Variants in SLC26A8 observed in about 807,000 individuals in gnomAD.
SLC26A8 encodes the protein testis anion transporter 1.
Under a neutral mutation model 105.0 loss-of-function variants are expected in SLC26A8, and 70 were observed. The observed-to-expected ratio is 0.67, with a 90% confidence interval of 0.55 to 0.81. The LOEUF is 0.81. Ranked by LOEUF, SLC26A8 falls within the 40% of genes least tolerant of loss-of-function variation. The pLI is 0.00. For synonymous variants in SLC26A8, 415 were observed against 438.3 expected, an observed-to-expected ratio of 0.95 and a Z score of 0.66; for missense variants, 998 against 1,181.8, an observed-to-expected ratio of 0.84 and a Z score of 2.28.
In SLC26A8 at chr6:35,981,192, TA is replaced by T. The variant is rs972006777; in HGVS notation, c.1025+928del. ...CTAATGTGATTCATCTGATTAAGGT[TA>T]AAAAAAATAATTTCCTAACAGAAGC... On this transcript the variant is annotated intron_variant, in intron 8 of 19. Transcript: ENST00000490799. This position sits in a 1 kb window ranked among gnomAD's most constrained non-coding sequence, Gnocchi z 4.0. Among the ~76,000 whole-genome samples, 1 of 151,876 alleles carries T rather than the reference TA, an allele frequency of 6.6e-6. No individual in the cohort carries two copies. The highest frequency in any genetic ancestry group is 1.5e-5 in the Non-Finnish European group (1 of 67,978).
intron 3 of SLC26A8, among the ~76,000 whole-genome samples, chr6:36,005,519 C>T (rs955070564): frequency 1.2e-4 from 18 of 152,084 alleles, no homozygotes; most frequent in Non-Finnish European, 1.8e-4. Context: ...TCCTCAATTT[C>T]GGTTTGTCTT....
chr6:36,014,086 T>C (rs1219237563), intron 2 of SLC26A8, among the ~76,000 whole-genome samples: 1 of 152,220 alleles, frequency 6.6e-6, no homozygotes, highest in East Asian at 1.9e-4. Context: ...CACATTGCTG[T>C]TCTTAGGAGA....
intron 2 of SLC26A8, among the ~76,000 whole-genome samples, chr6:36,014,510 A>G (rs551276836): frequency 2.4e-4 from 36 of 152,196 alleles, no homozygotes; most frequent in African/African-American, 8.2e-4. Flanking sequence ...AAAGAGGAAG[A>G]AAATGAGGAA....
At position 36,005,889 on chromosome 6, in the gene SLC26A8, A is replaced by T. The variant is rs73729657; in HGVS notation, c.329-5781T>A. ...TATTTTCTTCTTTAATTCTACATTT[A>T]TAAATTGGAATTCTACTGTAAGGAA... On this transcript the variant is annotated intron_variant, in intron 3 of 19. Coordinates refer to ENST00000490799, the MANE Select transcript of SLC26A8 (RefSeq NM_052961.4). Among the ~76,000 whole-genome samples, 1,405 of 152,280 alleles carry T rather than the reference A, an allele frequency of 9.2e-3. 16 individuals are homozygous for T. Among genetic ancestry groups the T allele is most frequent in the African/African-American group, 0.032 (1,329 of 41,566 alleles).
chr6:35,998,555 C>CA (rs56714506), intron 4 of SLC26A8, among the ~76,000 whole-genome samples: 1,765 of 118,906 alleles, frequency 0.015, 18 homozygotes, highest in Middle Eastern at 0.065. Context: ...AACTCCATCT[C>CA]AAAAAAAAAA....
chr6:35,948,506 G>A (rs1581620237), intron 19 of SLC26A8, among the ~76,000 whole-genome samples: 1 of 152,140 alleles, frequency 6.6e-6, no homozygotes, highest in Admixed American at 6.5e-5. Flanking sequence ...GGACAATCAC[G>A]TGAACCTGGG....
chr6:35,998,042 G>A (rs1370885925), intron 4 of SLC26A8, 123 bp from the exon 5 acceptor site: 4 of 893,354 alleles, frequency 4.5e-6, no homozygotes, highest in Non-Finnish European at 5.1e-6. Flanking sequence ...TCATTTGAAA[G>A]TGGCCATTGA....
At chr6:36,013,574 G>A (rs1243679672) in intron 2 of SLC26A8, among the ~76,000 whole-genome samples, 2 of 152,144 alleles carry the variant, frequency 1.3e-5, no homozygotes, top group Non-Finnish European at 2.9e-5. Flanking sequence ...GAATTTTCTG[G>A]TCCAAAATGT....
intron 16 of SLC26A8, among the ~76,000 whole-genome samples, chr6:35,956,741 G>A (rs919702266): frequency 7.9e-5 from 12 of 152,040 alleles, no homozygotes; most frequent in African/African-American, 2.9e-4. Flanking sequence ...CCAACATGGC[G>A]AAATTCCATC....
rs571434981 is a variant in SLC26A8 at position 36,006,149 on chromosome 6, T to C, written c.329-6041A>G. On this transcript the variant is annotated intron_variant, in intron 3 of 19. Coordinates refer to ENST00000490799, the MANE Select transcript of SLC26A8 (RefSeq NM_052961.4). ...AATCTTTTTTTTTTCCAATGGAGTC[T>C]CGCTCTGTTACCCAGGCTGGAATGC... 7.2e-5 allele frequency among the ~76,000 whole-genome samples: 11 copies of C among 152,248 alleles called. No individual in the cohort carries two copies. The South Asian group carries it at 2.1e-3, about 29-fold the overall frequency.
At chr6:35,968,605 GTGTGTATATATATATATATATA>G (rs1326679842) in intron 11 of SLC26A8, among the ~76,000 whole-genome samples, 2,225 of 53,848 alleles carry the variant, frequency 0.041, 111 homozygotes, top group African/African-American at 0.17. Context: ...GTGTGTGTGT[GTGTGTATATATATATATATATA>G]TATATATATA....
intron 3 of SLC26A8, among the ~76,000 whole-genome samples, chr6:36,010,778 A>G (rs1316932347): frequency 6.6e-6 from 1 of 152,040 alleles, no homozygotes; most frequent in Non-Finnish European, 1.5e-5. Context: ...ATCTCAATCA[A>G]TCTGCCTGCC....
intron 11 of SLC26A8, among the ~76,000 whole-genome samples, chr6:35,966,556 CA>C (rs1772524379): frequency 6.6e-6 from 1 of 152,016 alleles, no homozygotes; most frequent in Non-Finnish European, 1.5e-5. Flanking sequence ...TTCTTCCTCA[CA>C]AAATTGGAAT....
At chr6:35,969,164 T>G (rs1772680450) in intron 10 of SLC26A8, 3 of 516,852 alleles carry the variant, frequency 5.8e-6, no homozygotes, top group Non-Finnish European at 1.1e-5. Flanking sequence ...CCTAAATGAA[T>G]GGAAAGATGC....
chr6:35,960,398 G>A (rs187998209), intron 14 of SLC26A8: 20 of 169,900 alleles, frequency 1.2e-4, no homozygotes, highest in Admixed American at 2.3e-4. Context: ...AGTCATGCCT[G>A]TAATCCTAGC....
At chr6:35,977,096 A>G (rs1471257069) in intron 9 of SLC26A8, 108 bp downstream of exon 9, 7 of 1,249,458 alleles carry the variant, frequency 5.6e-6, no homozygotes, top group Admixed American at 5.0e-5. Context: ...TGTCCAAACC[A>G]TGGTCCAAGT....
intron 2 of SLC26A8, among the ~76,000 whole-genome samples, chr6:36,013,383 G>C (rs1365950667): frequency 2.0e-5 from 3 of 152,144 alleles, no homozygotes; most frequent in African/African-American, 7.2e-5. Context: ...TCTTAGTAGA[G>C]ATGGAGTTTC....
intron 1 of SLC26A8, among the ~76,000 whole-genome samples, chr6:36,020,446 GTC>G (rs1245629607): frequency 2.0e-5 from 3 of 152,276 alleles, no homozygotes; most frequent in Admixed American, 2.0e-4. Context: ...GTGAAACCCT[GTC>G]TCTACTAAAA....
rs1400814116 is a variant in SLC26A8 at position 35,955,388 on chromosome 6, A to G, written c.1996T>C (p.Ser666Pro). ...CCTTGATTTTTCTGAGACACGGACGATACTGTGTATGGCACTTGGTCTTCG... is the reference window on the plus strand; with the variant it reads ...CCTTGATTTTTCTGAGACACGGACGGTACTGTGTATGGCACTTGGTCTTCG... ...ASEDQVPYTV[S>P]SVSQKNQGQQ... The change falls in exon 17 of 20, where the codon TCG (serine) becomes CCG (proline). Residue 666 changes from serine to proline, a missense_variant. Ser to Pro is a moderately conservative substitution (Grantham distance 74). Coordinates refer to ENST00000490799, the MANE Select transcript of SLC26A8 (RefSeq NM_052961.4). 2 of 1,614,160 alleles carry G rather than the reference A, an allele frequency of 1.2e-6. No homozygotes were observed.
Sources: gnomAD v4.1 joint callset for allele counts (sites outside exome capture counted in the v4.1 genomes callset) on GRCh38, gnomAD v4.1.1 for gene constraint, Gnocchi (gnomAD v3.1) non-coding constraint, MANE v1.5 for transcripts, NCBI Gene and HGNC (gene_info 2026-07-23, HGNC 2026-07-21) for gene names.